Variants in TBC1D22B observed in about 807,000 individuals in gnomAD.
TBC1D22B encodes the protein TBC1 domain family member 22B, also known as chromosome 6 open reading frame 197.
A neutral mutation model predicts 69.1 loss-of-function variants in TBC1D22B; 32 were observed. That is an observed-to-expected ratio of 0.46 (90% CI 0.35 to 0.62). The LOEUF is 0.62. Ranked by LOEUF, TBC1D22B falls within the 20% of genes least tolerant of loss-of-function variation. The pLI is 0.00. For synonymous variants in TBC1D22B, 206 were observed against 229.8 expected, an observed-to-expected ratio of 0.90 and a Z score of 0.94; for missense variants, 462 against 630.9, an observed-to-expected ratio of 0.73 and a Z score of 2.87.
rs1360214729 is a variant in TBC1D22B, at chr6:37,316,885, C to T, written c.1293+55C>T. On this transcript the variant is annotated intron_variant, in intron 11 of 12. Transcript: ENST00000373491. Reference sequence around the variant, plus strand: ...CAGGCTGTCTCTGAGGTGTCCAGCTCTCTGCCATGTTGTGGAATGTAGCTG... The same window carrying T: ...CAGGCTGTCTCTGAGGTGTCCAGCTTTCTGCCATGTTGTGGAATGTAGCTG... The T allele has an allele frequency of 2.7e-5, 43 of 1,610,892 alleles. No homozygotes were observed. In the Admixed American group the frequency reaches 7.2e-4, roughly 27 times the overall value.
At chr6:37,311,072 G>A (rs918643726) in intron 8 of TBC1D22B, among the ~76,000 whole-genome samples, 3 of 151,804 alleles carry the variant, frequency 2.0e-5, no homozygotes, top group South Asian at 2.1e-4. Context: ...TTTTTATGTC[G>A]TTACAAGTTC....
At chr6:37,322,340 C>T (rs935528499) in intron 12 of TBC1D22B, among the ~76,000 whole-genome samples, 11 of 152,130 alleles carry the variant, frequency 7.2e-5, no homozygotes, top group Non-Finnish European at 1.5e-5. Flanking sequence ...GAGTTCAAGA[C>T]CAGCCTGGCC....
chr6:37,315,276 A>G (rs999885059), intron 10 of TBC1D22B, among the ~76,000 whole-genome samples: 11 of 152,220 alleles, frequency 7.2e-5, no homozygotes, highest in African/African-American at 2.4e-4. Flanking sequence ...CTCATTAAAA[A>G]AATTTAAACA....
In TBC1D22B at chr6:37,312,596, T is replaced by C. The variant is rs565500898; in HGVS notation, c.983-322T>C. Among the ~76,000 whole-genome samples, 3 of 152,340 alleles carry C rather than the reference T, an allele frequency of 2.0e-5. No individual in the cohort carries two copies. In the East Asian group the frequency reaches 5.8e-4, roughly 29 times the overall value. On this transcript the variant is annotated intron_variant, in intron 8 of 12. Transcript: ENST00000373491. ...CTTCAGGGATCTGAGTATAATTCAT[T>C]GAACATGAGACCTGAAGTATCATTT...
At chr6:37,282,581 A>G (rs748396432) in intron 4 of TBC1D22B, among the ~76,000 whole-genome samples, 5 of 152,204 alleles carry the variant, frequency 3.3e-5, no homozygotes, top group Non-Finnish European at 5.9e-5. Flanking sequence ...TGTAGACCCT[A>G]GTGCAACTAT....
intron 10 of TBC1D22B, among the ~76,000 whole-genome samples, chr6:37,316,241 T>G (rs1768074444): frequency 6.6e-6 from 1 of 152,076 alleles, no homozygotes; most frequent in African/African-American, 2.4e-5. Flanking sequence ...TTGAGTGGAG[T>G]TTGTGAGCCC....
rs1234026389 is a variant in TBC1D22B, at chr6:37,282,289, C to A, written c.526C>A (p.Pro176Thr). The change falls in exon 4 of 13, where the codon CCC becomes ACC. Residue 176 changes from proline (P) to threonine (T), a missense_variant. By Grantham distance (38) the Pro-to-Thr change is conservative. Coordinates refer to ENST00000373491, the MANE Select transcript of TBC1D22B (RefSeq NM_017772.4). ...CTCGGATCAGAACGCTTCTGGGGCC[C>A]CCCCAATGACTGTCCGGGAGAAAAC... is the stretch of plus-strand genomic sequence containing the variant. Reference protein sequence around the residue: ...RISDQNASGAPPMTVREKTRL... With the variant: ...RISDQNASGATPMTVREKTRL... 7 of 1,614,028 alleles carry A rather than the reference C, an allele frequency of 4.3e-6. No homozygotes were observed. The highest frequency in any genetic ancestry group is 5.9e-6 in the Non-Finnish European group (7 of 1,180,022).
intron 1 of TBC1D22B, among the ~76,000 whole-genome samples, chr6:37,263,647 G>A (rs1164434188): frequency 6.6e-6 from 1 of 152,116 alleles, no homozygotes; most frequent in Non-Finnish European, 1.5e-5. Context: ...GCAGTGGCCC[G>A]ATCTCCGCTC....
At chr6:37,329,037 A>G (rs1768510045) in intron 12 of TBC1D22B, among the ~76,000 whole-genome samples, 1 of 83,340 alleles carries the variant, frequency 1.2e-5, no homozygotes, top group South Asian at 5.3e-4. Context: ...CAGAGTAGTT[A>G]TTACTAAAAA....
At chr6:37,313,112 AG>A in intron 9 of TBC1D22B, 88 bp downstream of exon 9, 1 of 1,005,010 alleles carries the variant, frequency 1.0e-6, no homozygotes, top group East Asian at 2.4e-5. Context: ...CTTCTGTATC[AG>A]GCAGGACCAC....
At chr6:37,268,875 C>T (rs1766390047) in intron 1 of TBC1D22B, among the ~76,000 whole-genome samples, 1 of 152,194 alleles carries the variant, frequency 6.6e-6, no homozygotes. Flanking sequence ...CCCTACTTCA[C>T]ATATATTGTC....
At chr6:37,290,963 G>A (rs986086400) in intron 7 of TBC1D22B, among the ~76,000 whole-genome samples, 1 of 152,164 alleles carries the variant, frequency 6.6e-6, no homozygotes, top group East Asian at 1.9e-4. Flanking sequence ...TGTTTTCTAA[G>A]GCATTTGGGT....
At chr6:37,319,382 G>T (rs1315202380) in intron 12 of TBC1D22B, among the ~76,000 whole-genome samples, 1 of 152,240 alleles carries the variant, frequency 6.6e-6, no homozygotes, top group African/African-American at 2.4e-5. Flanking sequence ...CATGAGCCAG[G>T]CTCAGAGCTT....
rs116648243 is a variant in TBC1D22B, at chr6:37,304,235, C to G, written c.983-8683C>G. 2.5e-3 allele frequency among the ~76,000 whole-genome samples: 376 copies of G among 152,342 alleles called. 2 individuals are homozygous for G. The highest frequency in any genetic ancestry group is 7.8e-3 in the African/African-American group (324 of 41,582). On this transcript the variant is annotated intron_variant, in intron 8 of 12. Coordinates refer to ENST00000373491, the MANE Select transcript of TBC1D22B (RefSeq NM_017772.4). ...GCACCCACATGTGCAGGGCACTGCT[C>G]TAGGCACTGGGGTTTATGACCATAA...
At chr6:37,305,138 C>T (rs1275545421) in intron 8 of TBC1D22B, among the ~76,000 whole-genome samples, 7 of 152,192 alleles carry the variant, frequency 4.6e-5, no homozygotes, top group Non-Finnish European at 1.0e-4. Flanking sequence ...TCGCCCCCCA[C>T]GCTCAGTCCT....
In TBC1D22B at chr6:37,332,965, C is replaced by T; in HGVS notation, c.*1793C>T. ...ATTGTAAATAAATGGTGTATTTCCT[C>T]CTCCATCTGCTGGTTTTTCTCCTGT... On this transcript the variant is annotated 3_prime_UTR_variant, in exon 13 of 13. Transcript: ENST00000373491. 2 of 152,198 alleles carry T rather than the reference C, an allele frequency of 1.3e-5. 1 individual carries two copies. 9.4% of individuals were successfully genotyped at this position (152,198 alleles called of 1,614,324 possible). A position where few individuals can be genotyped will look rare whatever the true frequency, so the allele number is the denominator to read the frequency against.
At chr6:37,300,665 A>AT (rs1394402075) in intron 8 of TBC1D22B, among the ~76,000 whole-genome samples, 3 of 151,884 alleles carry the variant, frequency 2.0e-5, no homozygotes, top group Non-Finnish European at 4.4e-5. Context: ...CCTGGCTATT[A>AT]TTTTTTATTA....
chr6:37,282,534 TTA>T (rs1338965957), intron 4 of TBC1D22B, among the ~76,000 whole-genome samples, 170 bp downstream of exon 4: 1 of 152,200 alleles, frequency 6.6e-6, no homozygotes, highest in Non-Finnish European at 1.5e-5. Context: ...TTACTAGAGA[TTA>T]TGGACCAAAT....
chr6:37,279,962 G>T (rs901629092), intron 3 of TBC1D22B, among the ~76,000 whole-genome samples: 2 of 152,226 alleles, frequency 1.3e-5, no homozygotes, highest in Non-Finnish European at 2.9e-5. Context: ...AGTAACTGAT[G>T]TATTTAAAGC....
Sources: gnomAD v4.1 joint callset for allele counts (sites outside exome capture counted in the v4.1 genomes callset) on GRCh38, gnomAD v4.1.1 for gene constraint, MANE v1.5 for transcripts, NCBI Gene and HGNC (gene_info 2026-07-23, HGNC 2026-07-21) for gene names.